The following PIGK variants were observed in gnomAD, a reference collection of about 807,000 sequenced individuals.
PIGK encodes GPI-anchor transamidase.
Under a neutral mutation model 50.6 loss-of-function variants are expected in PIGK, and 42 were observed. The observed-to-expected ratio is 0.83, with a 90% confidence interval of 0.65 to 1.07. PIGK has a LOEUF of 1.07. Ranked by LOEUF, PIGK falls within the 50% of genes least tolerant of loss-of-function variation. The pLI, the probability that PIGK is intolerant of heterozygous loss-of-function variation, is 0.00. For synonymous variants in PIGK, 151 were observed against 156.0 expected, an observed-to-expected ratio of 0.97 and a Z score of 0.24; for missense variants, 448 against 488.7, an observed-to-expected ratio of 0.92 and a Z score of 0.78.
At position 77,163,859 on chromosome 1, in the gene PIGK, A is replaced by C. The variant is rs746696897; in HGVS notation, c.571T>G (p.Trp191Gly). 6 of 1,599,932 alleles carry C rather than the reference A, an allele frequency of 3.8e-6. No individual in the cohort carries two copies. The highest frequency in any genetic ancestry group is 5.1e-6 in the Non-Finnish European group (6 of 1,169,498). Residue 191 changes from tryptophan (W) to glycine (G), a missense_variant, in exon 6 of 11, where the codon TGG becomes GGG. By Grantham distance (184) the Trp-to-Gly change is radical. Coordinates refer to ENST00000370812, the MANE Select transcript of PIGK (RefSeq NM_005482.3). ...TTTGCTAATTACCGTCTTTTCTGCCACATTTGTTCAAAAGCATCCGCGAGT... is the reference window on the plus strand; with the variant it reads ...TTTGCTAATTACCGTCTTTTCTGCCCCATTTGTTCAAAAGCATCCGCGAGT... Reference protein sequence around the residue: ...IELADAFEQMWQKRRYNELLF... With the variant: ...IELADAFEQMGQKRRYNELLF...
chr1:77,111,505 G>C lies in PIGK; in HGVS notation c.1071+10770C>G, dbSNP rs564073265. 3.3e-5 allele frequency among the ~76,000 whole-genome samples: 5 copies of C among 151,030 alleles called. No homozygotes were observed. In the East Asian group the frequency reaches 9.8e-4, roughly 30 times the overall value. The stretch of plus-strand genomic sequence containing the variant: ...CATCATTCTCAGCAAACTATCGCAA[G>C]GACAAAAAACCAAACACCACATGTT... On this transcript the variant is annotated intron_variant, in intron 10 of 10. Coordinates refer to ENST00000370812, the MANE Select transcript of PIGK (RefSeq NM_005482.3).
intron 10 of PIGK, among the ~76,000 whole-genome samples, chr1:77,105,860 T>A (rs975301618): frequency 6.6e-6 from 1 of 152,180 alleles, no homozygotes; most frequent in Admixed American, 6.5e-5. Flanking sequence ...AAGAAAAAGT[T>A]TGTAGTTCCT....
chr1:77,153,107 T>C (rs1654928561), intron 9 of PIGK, among the ~76,000 whole-genome samples: 2 of 152,116 alleles, frequency 1.3e-5, no homozygotes, highest in Admixed American at 1.3e-4. Context: ...AGGTATGGAA[T>C]CAAGATGTGT....
At chr1:77,170,006 A>C (rs1479922121) in intron 3 of PIGK, among the ~76,000 whole-genome samples, 1 of 152,104 alleles carries the variant, frequency 6.6e-6, no homozygotes, top group Non-Finnish European at 1.5e-5. Flanking sequence ...TAACACCAGC[A>C]ACCACCATCT....
chr1:77,176,588 A>C (rs896398798), intron 3 of PIGK, among the ~76,000 whole-genome samples: 2 of 152,142 alleles, frequency 1.3e-5, no homozygotes, highest in African/African-American at 4.8e-5. Context: ...CAGTTTCTCA[A>C]AACTTGACAA....
chr1:77,094,128 T>C (rs1653358427), intron 10 of PIGK, among the ~76,000 whole-genome samples: 2 of 152,146 alleles, frequency 1.3e-5, no homozygotes, highest in East Asian at 3.8e-4. Context: ...GGGTTGAAAA[T>C]GTTTAAGATC....
intron 8 of PIGK, among the ~76,000 whole-genome samples, chr1:77,157,004 G>A (rs1271159433): frequency 1.3e-5 from 2 of 152,168 alleles, no homozygotes; most frequent in Non-Finnish European, 2.9e-5. Flanking sequence ...ACAAAGGAAA[G>A]AAAATTACCT....
At chr1:77,142,901 G>A (rs377344211) in intron 9 of PIGK, among the ~76,000 whole-genome samples, 4 of 152,026 alleles carry the variant, frequency 2.6e-5, no homozygotes, top group Non-Finnish European at 4.4e-5. Flanking sequence ...ATTCATCTCC[G>A]TGCTCTTTCT....
At chr1:77,147,394 G>C (rs1654795673) in intron 9 of PIGK, among the ~76,000 whole-genome samples, 1 of 152,082 alleles carries the variant, frequency 6.6e-6, no homozygotes. Flanking sequence ...GTGAGGGCAG[G>C]GGAGAAAAAT....
chr1:77,160,254 G>C (rs533638779), intron 8 of PIGK, among the ~76,000 whole-genome samples: 119 of 152,228 alleles, frequency 7.8e-4, no homozygotes, highest in Non-Finnish European at 1.4e-3. Flanking sequence ...TCAGCCATGT[G>C]GAACTGTGAG....
At chr1:77,171,048 T>C (rs72683925) in intron 3 of PIGK, among the ~76,000 whole-genome samples, 435 of 146,594 alleles carry the variant, frequency 3.0e-3, no homozygotes, top group Middle Eastern at 6.9e-3. Context: ...TTCTCTTTTT[T>C]AAAACTTGAG....
chr1:77,135,791 GAAAA>G (rs769891952), intron 9 of PIGK, among the ~76,000 whole-genome samples: 2 of 127,508 alleles, frequency 1.6e-5, no homozygotes, highest in African/African-American at 5.8e-5. Context: ...TTTCCCAAAG[GAAAA>G]AAAAAAAAAG....
chr1:77,200,667 A>C (rs1016320215), intron 3 of PIGK, among the ~76,000 whole-genome samples: 4 of 152,164 alleles, frequency 2.6e-5, no homozygotes. Context: ...ATGTTACACA[A>C]ATATTAATTG....
rs191894671 is a variant in PIGK, at chr1:77,093,180, C to T, written c.1072-690G>A. On this transcript the variant is annotated intron_variant, in intron 10 of 10. Coordinates refer to ENST00000370812, the MANE Select transcript of PIGK (RefSeq NM_005482.3). ...ACTATAACTCCTTCTATTGTTACTC[C>T]TATTCACTATTATATTTATCTTTAT... is the stretch of plus-strand genomic sequence containing the variant. Among the ~76,000 whole-genome samples the T allele has an allele frequency of 1.2e-3, 178 of 152,140 alleles. 1 individual carries two copies. Among genetic ancestry groups the T allele is most frequent in the African/African-American group, 4.1e-3 (172 of 41,530 alleles).
intron 3 of PIGK, among the ~76,000 whole-genome samples, chr1:77,175,647 A>G (rs1655468650): frequency 6.6e-6 from 1 of 152,188 alleles, no homozygotes; most frequent in South Asian, 2.1e-4. Context: ...TAAATTAGAT[A>G]AGACAAAGCT....
intron 9 of PIGK, among the ~76,000 whole-genome samples, chr1:77,134,493 C>A (rs1654453881): frequency 2.6e-5 from 4 of 152,286 alleles, no homozygotes; most frequent in African/African-American, 9.6e-5. Context: ...GTCACTCTAG[C>A]CTAACACAGT....
chr1:77,204,024 G>A (rs72992578), intron 3 of PIGK, among the ~76,000 whole-genome samples: 2,582 of 152,258 alleles, frequency 0.017, 58 homozygotes, highest in African/African-American at 0.057. Flanking sequence ...CAATGGCTGC[G>A]ATTTTCAGGG....
intron 5 of PIGK, among the ~76,000 whole-genome samples, chr1:77,164,410 A>G (rs1655193087): frequency 6.6e-6 from 1 of 152,168 alleles, no homozygotes; most frequent in East Asian, 1.9e-4. Context: ...TTAGTTTAGG[A>G]AAATAATTTA....
chr1:77,206,787 G>C, intron 2 of PIGK, 56 bp from the exon 3 acceptor site: 1 of 1,011,928 alleles, frequency 9.9e-7, no homozygotes, highest in Non-Finnish European at 1.6e-6. Flanking sequence ...CCATGGAGCT[G>C]CAGAGTATTT....
Sources: allele counts gnomAD v4.1 joint callset (sites outside exome capture counted in the v4.1 genomes callset), GRCh38; gene constraint gnomAD v4.1.1; transcripts MANE v1.5; gene names NCBI Gene and HGNC (gene_info 2026-07-23, HGNC 2026-07-21).